KCNQ5: variants seen among roughly 807,000 people sequenced by gnomAD.
KCNQ5 encodes the protein potassium voltage-gated channel subfamily KQT member 5.
In KCNQ5, 30 loss-of-function variants were observed where a neutral mutation model predicts 98.2. That is an observed-to-expected ratio of 0.31 (90% confidence interval 0.23 to 0.41). KCNQ5 has a LOEUF of 0.41. Among genes scored for constraint, KCNQ5 ranks in the 10% least tolerant of loss-of-function variants. The pLI, the probability that KCNQ5 is intolerant of heterozygous loss-of-function variation, is 1.00. For synonymous variants in KCNQ5, 458 were observed against 449.4 expected (o/e 1.02, Z -0.24); for missense variants, 835 against 1,182.5 (o/e 0.71, Z 4.31).
At chr6:73,145,028 T>C (rs537487877) in intron 10 of KCNQ5, among the ~76,000 whole-genome samples, 1 of 152,236 alleles carries the variant, frequency 6.6e-6, no homozygotes. Context: ...TATTGCAATC[T>C]ACCATCCCAG....
At chr6:72,680,839 T>G (rs1439697527) in intron 1 of KCNQ5, among the ~76,000 whole-genome samples, 1 of 152,226 alleles carries the variant, frequency 6.6e-6, no homozygotes, top group Non-Finnish European at 1.5e-5. Flanking sequence ...GTTTCCTCAT[T>G]GGCTTTGTTG....
At chr6:72,946,616 C>G (rs1334550595) in intron 1 of KCNQ5, among the ~76,000 whole-genome samples, 2 of 152,152 alleles carry the variant, frequency 1.3e-5, no homozygotes, top group Non-Finnish European at 2.9e-5. Context: ...TTTTGTACAA[C>G]TTTGAATTTA....
At chr6:72,790,269 G>A (rs545992381) in intron 1 of KCNQ5, among the ~76,000 whole-genome samples, 1 of 152,216 alleles carries the variant, frequency 6.6e-6, no homozygotes, top group Admixed American at 6.5e-5. Context: ...TAAATGATAA[G>A]GCCACTAAAG....
intron 1 of KCNQ5, among the ~76,000 whole-genome samples, chr6:72,736,287 T>C (rs1770828246): frequency 6.6e-6 from 1 of 152,046 alleles, no homozygotes; most frequent in Non-Finnish European, 1.5e-5. Flanking sequence ...GTGTTATGTA[T>C]GATATTAAAA....
intron 10 of KCNQ5, among the ~76,000 whole-genome samples, chr6:73,146,546 G>C (rs1254158800): frequency 6.9e-6 from 1 of 145,794 alleles, no homozygotes; most frequent in Admixed American, 7.0e-5. Context: ...AGGATCTTTT[G>C]AGCCCAGGAG....
intron 5 of KCNQ5, among the ~76,000 whole-genome samples, chr6:73,104,419 T>C (rs1007184346): frequency 3.9e-5 from 6 of 152,030 alleles, no homozygotes; most frequent in Admixed American, 6.6e-5. Context: ...TACACAGTAG[T>C]CTATAAAATA....
intron 5 of KCNQ5, among the ~76,000 whole-genome samples, chr6:73,094,750 C>G (rs983591071): frequency 2.6e-5 from 4 of 152,108 alleles, no homozygotes; most frequent in Admixed American, 6.6e-5. Context: ...AGACAAGGCC[C>G]CAATACCTTC....
At chr6:72,961,807 G>GGAGA in intron 1 of KCNQ5, among the ~76,000 whole-genome samples, 1 of 152,006 alleles carries the variant, frequency 6.6e-6, no homozygotes, top group Non-Finnish European at 1.5e-5. Flanking sequence ...GGTTGACAGA[G>GGAGA]GAGAACAGAG....
intron 1 of KCNQ5, among the ~76,000 whole-genome samples, chr6:72,996,386 A>G (rs1346015612): frequency 6.6e-6 from 1 of 152,230 alleles, no homozygotes; most frequent in Non-Finnish European, 1.5e-5. Flanking sequence ...TTCTTGCAAT[A>G]AAATCCTGAG....
chr6:72,684,683 G>T (rs1767865284), intron 1 of KCNQ5, among the ~76,000 whole-genome samples: 1 of 152,302 alleles, frequency 6.6e-6, no homozygotes, highest in Non-Finnish European at 1.5e-5. Flanking sequence ...TCTGTGTAAT[G>T]CTATGCATTG....
chr6:73,194,485 C>G lies in KCNQ5; in HGVS notation c.1870C>G (p.Leu624Val). The change falls in exon 14 of 14, where the codon CTA becomes GTA. Residue 624 changes from leucine (L) to valine (V), a missense_variant. Physicochemically the swap from Leu to Val is conservative, Grantham distance 32. Coordinates refer to ENST00000370398, the MANE Select transcript of KCNQ5 (RefSeq NM_019842.4). ...CATAGAATCCAAGCTGGACTGCCTA[C>G]TAGACATCTATCAACAGGTCCTTCG... is the stretch of plus-strand genomic sequence containing the variant. ...QSIESKLDCL[L>V]DIYQQVLRKG... The G allele has an allele frequency of 6.2e-7, 1 of 1,614,074 alleles. No homozygotes were observed. The highest frequency in any genetic ancestry group is 8.5e-7 in the Non-Finnish European group (1 of 1,179,904).
At chr6:72,995,800 C>T (rs1263882365) in intron 1 of KCNQ5, among the ~76,000 whole-genome samples, 1 of 152,038 alleles carries the variant, frequency 6.6e-6, no homozygotes, top group East Asian at 1.9e-4. Context: ...TCCAAGTGAG[C>T]AAAATCTATT....
chr6:72,871,637 A>T (rs1316555384), intron 1 of KCNQ5, among the ~76,000 whole-genome samples: 1 of 152,220 alleles, frequency 6.6e-6, no homozygotes, highest in African/African-American at 2.4e-5. Flanking sequence ...TCCAAAAAGA[A>T]CAATATTTAA....
intron 1 of KCNQ5, among the ~76,000 whole-genome samples, chr6:72,647,862 A>G (rs984283333): frequency 4.6e-5 from 7 of 152,204 alleles, no homozygotes; most frequent in African/African-American, 9.6e-5. Flanking sequence ...GTAGAATGTA[A>G]TGTTGACTGT....
chr6:73,009,771 C>A (rs1468221652), intron 2 of KCNQ5, among the ~76,000 whole-genome samples: 1 of 152,116 alleles, frequency 6.6e-6, no homozygotes, highest in African/African-American at 2.4e-5. Context: ...CATTGGAAAT[C>A]TAGATGAAAT....
chr6:73,077,961 T>C, intron 5 of KCNQ5, 74 bp downstream of exon 5: 1 of 1,190,422 alleles, frequency 8.4e-7, no homozygotes, highest in Non-Finnish European at 1.2e-6. Flanking sequence ...TAATGGTTCC[T>C]ATGGATGGTT....
chr6:72,715,739 G>C (rs149435518), intron 1 of KCNQ5, among the ~76,000 whole-genome samples: 1 of 152,088 alleles, frequency 6.6e-6, no homozygotes, highest in Admixed American at 6.5e-5. Context: ...TTATACTATG[G>C]TATTTTAATG....
At chr6:72,854,408 T>G (rs1185112720) in intron 1 of KCNQ5, among the ~76,000 whole-genome samples, 1 of 149,146 alleles carries the variant, frequency 6.7e-6, no homozygotes, top group Non-Finnish European at 1.5e-5. Flanking sequence ...GCAAAACTGT[T>G]AACAGATTAT....
intron 1 of KCNQ5, among the ~76,000 whole-genome samples, chr6:72,667,592 G>A (rs1351593810): frequency 2.0e-5 from 3 of 151,976 alleles, no homozygotes; most frequent in East Asian, 3.9e-4. Flanking sequence ...TATTAATTAC[G>A]AAGAAAAAGA....
Sources: gnomAD v4.1 joint callset for allele counts (sites outside exome capture counted in the v4.1 genomes callset) on GRCh38, gnomAD v4.1.1 for gene constraint, MANE v1.5 for transcripts, NCBI Gene and HGNC (gene_info 2026-07-23, HGNC 2026-07-21) for gene names.